IQCK: variants seen among roughly 807,000 people sequenced by gnomAD.
The protein encoded by IQCK is IQ motif containing K.
A neutral mutation model predicts 28.1 loss-of-function variants in IQCK; 29 were observed. That is an observed-to-expected ratio of 1.03 (90% confidence interval 0.77 to 1.41). The LOEUF is 1.41. Ranked by LOEUF, IQCK falls within the 40% of genes most tolerant of loss-of-function variation. IQCK has a pLI of 0.00. For synonymous variants in IQCK, 113 were observed against 115.1 expected, an observed-to-expected ratio of 0.98 and a Z score of 0.12; for missense variants, 359 against 314.7, an observed-to-expected ratio of 1.14 and a Z score of -1.07.
intron 1 of IQCK, among the ~76,000 whole-genome samples, chr16:19,727,431 C>A (rs924564495): frequency 4.6e-5 from 7 of 151,962 alleles, no homozygotes; most frequent in Non-Finnish European, 8.8e-5. Flanking sequence ...TACTAAAATA[C>A]AAAAAATTTG....
At chr16:19,757,987 T>C (rs1883244287) in intron 4 of IQCK, among the ~76,000 whole-genome samples, 1 of 152,162 alleles carries the variant, frequency 6.6e-6, no homozygotes, top group African/African-American at 2.4e-5. Flanking sequence ...TGACACCTAG[T>C]CTTTTTCCTT....
chr16:19,833,069 A>G (rs2056252743), intron 9 of IQCK, among the ~76,000 whole-genome samples: 2 of 152,190 alleles, frequency 1.3e-5, no homozygotes, highest in African/African-American at 2.4e-5. Flanking sequence ...GAACACATCT[A>G]TCACCCTTAG....
intron 7 of IQCK, among the ~76,000 whole-genome samples, chr16:19,816,076 T>G (rs563919248): frequency 6.6e-6 from 1 of 152,288 alleles, no homozygotes; most frequent in Non-Finnish European, 1.5e-5. Context: ...GCAACTGTAA[T>G]ATATGAACTG....
intron 4 of IQCK, among the ~76,000 whole-genome samples, chr16:19,745,548 C>T (rs2054899052): frequency 6.6e-6 from 1 of 152,162 alleles, no homozygotes; most frequent in Non-Finnish European, 1.5e-5. Context: ...CTACTGGGCC[C>T]AGTGCTCCCT....
chr16:19,832,681 C>T (rs551612995), intron 9 of IQCK, among the ~76,000 whole-genome samples: 1 of 152,154 alleles, frequency 6.6e-6, no homozygotes, highest in African/African-American at 2.4e-5. Context: ...CATTTTCACA[C>T]TGCTATAAAG....
At position 19,839,179 on chromosome 16, in the gene IQCK, G is replaced by C. The variant is rs556460875; in HGVS notation, c.802+12042G>C. Among the ~76,000 whole-genome samples the C allele has an allele frequency of 8.0e-5, 12 of 150,568 alleles. No homozygotes were observed. In the South Asian group the frequency reaches 2.5e-3, roughly 32 times the overall value. ...TTTATTTATTTATTTATTTATTTTG[G>C]AGATAGGGTCTCACTCTGTCACCCA... On this transcript the variant is annotated intron_variant, in intron 9 of 9. Transcript: ENST00000320394.
Position 19,730,493 on chromosome 16 carries a change from C to T in IQCK, c.245C>T (p.Thr82Met), listed in dbSNP as rs148116811. 130 of 1,604,872 alleles carry T rather than the reference C, an allele frequency of 8.1e-5. No homozygotes were observed. Among genetic ancestry groups the T allele is most frequent in the African/African-American group, 7.2e-4 (54 of 74,738 alleles). Residue 82 changes from threonine to methionine, a missense_variant and splice_region_variant, in exon 2 of 8, where the codon ACG becomes ATG. Physicochemically the swap from Thr to Met is moderately conservative, Grantham distance 81. Coordinates refer to ENST00000564186, the Ensembl canonical transcript of IQCK. ...AAAGTCAAACAGGAGCCTGTGATTA[C>T]GGTGAGTATTACCTAGGCCTCAACC...
intron 4 of IQCK, among the ~76,000 whole-genome samples, chr16:19,753,147 T>A (rs1189531046): frequency 6.6e-6 from 1 of 151,750 alleles, no homozygotes; most frequent in African/African-American, 2.4e-5. Flanking sequence ...GGGCATAGTG[T>A]CTCATGCCTG....
At chr16:19,831,990 G>A (rs533653198), downstream of IQCK, among the ~76,000 whole-genome samples, 15 of 152,190 alleles carry the variant, frequency 9.9e-5, no homozygotes, top group East Asian at 3.9e-4. Flanking sequence ...ATTTTAAAAC[G>A]TGTATGGTAA....
intron 6 of IQCK, among the ~76,000 whole-genome samples, chr16:19,782,974 T>C (rs1263318761): frequency 2.7e-5 from 4 of 146,598 alleles, no homozygotes; most frequent in Non-Finnish European, 1.5e-5. Flanking sequence ...CTCAGAATTA[T>C]AGCGTTGATT....
intron 4 of IQCK, among the ~76,000 whole-genome samples, chr16:19,753,339 T>A (rs1157184678): frequency 6.6e-6 from 1 of 152,048 alleles, no homozygotes; most frequent in African/African-American, 2.4e-5. Context: ...GGCAGGAAGA[T>A]CCCTTGAGCC....
In IQCK at chr16:19,759,452, G is replaced by A. The variant is rs183130083; in HGVS notation, c.475-4396G>A. On this transcript the variant is annotated intron_variant, in intron 4 of 7. Transcript: ENST00000564186. ...TCAAACTCCTGACCTCAGGTGATCCGCCTGCCTCGGCCTCCCAAAGTGCTG... is the reference window on the plus strand; with the variant it reads ...TCAAACTCCTGACCTCAGGTGATCCACCTGCCTCGGCCTCCCAAAGTGCTG... Among the ~76,000 whole-genome samples, 983 of 152,094 alleles carry A rather than the reference G, an allele frequency of 6.5e-3. 43 individuals carry two copies. Among genetic ancestry groups the A allele is most frequent in the Admixed American group, 0.058 (887 of 15,276 alleles).
chr16:19,854,143 AC>A (rs2056523158), intron 9 of IQCK, among the ~76,000 whole-genome samples: 1 of 152,242 alleles, frequency 6.6e-6, no homozygotes, highest in Non-Finnish European at 1.5e-5. Context: ...CAGGGTAGTT[AC>A]ATCAGAATTG....
intron 7 of IQCK, among the ~76,000 whole-genome samples, chr16:19,814,960 G>GT (rs1303318097): frequency 6.6e-6 from 1 of 151,560 alleles, no homozygotes; most frequent in Non-Finnish European, 1.5e-5. Flanking sequence ...CTAAAATTTA[G>GT]TTTTTTTGTA....
intron 4 of IQCK, among the ~76,000 whole-genome samples, chr16:19,763,017 AAAAG>A (rs1176234436): frequency 2.6e-5 from 4 of 152,106 alleles, no homozygotes; most frequent in Admixed American, 6.5e-5. Flanking sequence ...CCCTGTCACA[AAAAG>A]AAAGAAAGAA....
At chr16:19,751,957 T>C (rs1249016685) in intron 4 of IQCK, among the ~76,000 whole-genome samples, 1 of 152,148 alleles carries the variant, frequency 6.6e-6, no homozygotes, top group Non-Finnish European at 1.5e-5. Context: ...GGGGAAAAGG[T>C]TGTAAGGCAG....
At chr16:19,747,746 C>CT (rs1318414509) in intron 4 of IQCK, among the ~76,000 whole-genome samples, 1 of 152,180 alleles carries the variant, frequency 6.6e-6, no homozygotes, top group Non-Finnish European at 1.5e-5. Flanking sequence ...CGATATTTGA[C>CT]TTTCTGTGTC....
chr16:19,822,180 G>A (rs1203177616), intron 7 of IQCK, among the ~76,000 whole-genome samples: 6 of 151,450 alleles, frequency 4.0e-5, no homozygotes, highest in African/African-American at 7.3e-5. Flanking sequence ...ACGGTCAGGG[G>A]TTCGAGACCA....
At chr16:19,817,976 G>A (rs374976498) in intron 7 of IQCK, among the ~76,000 whole-genome samples, 1 of 152,158 alleles carries the variant, frequency 6.6e-6, no homozygotes. Flanking sequence ...GATCCGTTGG[G>A]TTTATTCTCA....
Sources: allele counts gnomAD v4.1 joint callset (sites outside exome capture counted in the v4.1 genomes callset), GRCh38; gene constraint gnomAD v4.1.1; transcripts MANE v1.5; gene names NCBI Gene and HGNC (gene_info 2026-07-23, HGNC 2026-07-21).